The following PTPRD variants were observed in gnomAD, a reference collection of about 807,000 sequenced individuals.
The protein encoded by PTPRD is protein tyrosine phosphatase receptor type D.
Under a neutral mutation model 214.5 loss-of-function variants are expected in PTPRD, and 34 were observed. The ratio of observed to expected loss-of-function variants is 0.16; its 90% confidence interval spans 0.12 to 0.21. PTPRD has a LOEUF of 0.21. Among genes scored for constraint, PTPRD ranks in the 10% least tolerant of loss-of-function variants. The pLI is 1.00. For missense variants in PTPRD, 2,545 were observed against 2,398.7 expected (o/e 1.06, Z -1.27); for synonymous variants, 1,128 against 845.7 (o/e 1.33, Z -5.79).
chr9:10,368,228 T>C (rs1442005821), intron 2 of PTPRD, among the ~76,000 whole-genome samples: 5 of 152,122 alleles, frequency 3.3e-5, no homozygotes, highest in Non-Finnish European at 7.4e-5. Context: ...GTTACTGATA[T>C]TCACTAATTT....
chr9:9,573,517 G>A (rs928034547), intron 8 of PTPRD, among the ~76,000 whole-genome samples: 2 of 151,230 alleles, frequency 1.3e-5, no homozygotes, highest in African/African-American at 4.8e-5. Context: ...TTTTCTCTAT[G>A]TATATAAGAT....
rs544217643 is a variant in PTPRD at position 8,348,868 on chromosome 9, T to C, written c.4662-6890A>G. 2.0e-5 allele frequency among the ~76,000 whole-genome samples: 3 copies of C among 152,268 alleles called. No individual in the cohort carries two copies. In the South Asian group the frequency reaches 6.2e-4, roughly 32 times the overall value. On this transcript the variant is annotated intron_variant, in intron 39 of 45. Transcript: ENST00000381196. ...TTGATTTATTCCTCCTTGGACTCTT[T>C]TGACAATTTATAACTATTTTTTCAG...
At chr9:10,503,213 A>AAAAAAAAAAC (rs1555437452) in intron 2 of PTPRD, among the ~76,000 whole-genome samples, 5 of 149,478 alleles carry the variant, frequency 3.3e-5, no homozygotes, top group African/African-American at 1.2e-4. Context: ...AAAAACAAAA[A>AAAAAAAAAAC]AAAACACCAT....
chr9:8,773,417 C>G (rs1198511602), intron 11 of PTPRD, among the ~76,000 whole-genome samples: 3 of 152,134 alleles, frequency 2.0e-5, no homozygotes, highest in African/African-American at 4.8e-5. Context: ...AGGCAGTAAG[C>G]TGAGGCAATC....
At chr9:9,692,510 T>C (rs1265730868) in intron 7 of PTPRD, among the ~76,000 whole-genome samples, 4 of 152,134 alleles carry the variant, frequency 2.6e-5, no homozygotes, top group Non-Finnish European at 4.4e-5. Context: ...GCCAGTACTA[T>C]GCTGTTTTGG....
At chr9:8,793,420 G>A (rs966830603) in intron 11 of PTPRD, among the ~76,000 whole-genome samples, 1 of 152,168 alleles carries the variant, frequency 6.6e-6, no homozygotes, top group South Asian at 2.1e-4. Context: ...ACCTTCAGAT[G>A]ACTGCAGCCC....
At chr9:9,473,580 T>C (rs187917046) in intron 8 of PTPRD, among the ~76,000 whole-genome samples, 37 of 152,294 alleles carry the variant, frequency 2.4e-4, no homozygotes, top group African/African-American at 8.9e-4. Flanking sequence ...CTGTACTAAT[T>C]TACATTCCCA....
intron 14 of PTPRD, among the ~76,000 whole-genome samples, chr9:8,616,509 C>G (rs1228834610): frequency 1.3e-5 from 2 of 152,090 alleles, no homozygotes; most frequent in South Asian, 2.1e-4. Context: ...ACTTCAGACT[C>G]TAGGCAGACT....
At position 10,195,002 on chromosome 9, in the gene PTPRD, G is replaced by A. The variant is rs369279322; in HGVS notation, c.-545+145961C>T. On this transcript the variant is annotated intron_variant, in intron 3 of 45. Transcript: ENST00000381196. ...GGCTGGAGTTCAGTGGTATGGTCCC[G>A]GCTCACTGTAACCTCTGCCTCCTGG... is the stretch of plus-strand genomic sequence containing the variant. 1.5e-4 allele frequency among the ~76,000 whole-genome samples: 22 copies of A among 148,802 alleles called. No individual in the cohort carries two copies. In the East Asian group the frequency reaches 2.4e-3, roughly 16 times the overall value.
chr9:8,668,728 T>G (rs2097217794), intron 12 of PTPRD, among the ~76,000 whole-genome samples: 1 of 152,240 alleles, frequency 6.6e-6, no homozygotes, highest in Admixed American at 6.5e-5. Context: ...GATTCATAAC[T>G]GTCTTTCAAT....
At chr9:8,531,387 G>A (rs10123125) in intron 14 of PTPRD, among the ~76,000 whole-genome samples, 22,119 of 152,002 alleles carry the variant, frequency 0.15, 1,943 homozygotes, top group East Asian at 0.28. Flanking sequence ...GGGGGAAAAA[G>A]GAGCAGAAAG....
At chr9:8,553,113 G>C (rs369775512) in intron 14 of PTPRD, among the ~76,000 whole-genome samples, 1 of 152,262 alleles carries the variant, frequency 6.6e-6, no homozygotes, top group African/African-American at 2.4e-5. Flanking sequence ...GGTTAAACTT[G>C]TTATAACCAA....
intron 5 of PTPRD, among the ~76,000 whole-genome samples, chr9:9,837,793 G>T (rs1391200099): frequency 2.0e-5 from 3 of 152,058 alleles, no homozygotes; most frequent in Admixed American, 2.0e-4. Flanking sequence ...TATACTTTAA[G>T]TTTTAGGGTA....
intron 7 of PTPRD, among the ~76,000 whole-genome samples, chr9:9,710,446 A>G (rs1191555179): frequency 6.6e-6 from 1 of 152,064 alleles, no homozygotes; most frequent in Admixed American, 6.5e-5. Flanking sequence ...ACAAAATTCA[A>G]TTCATGGTAA....
chr9:9,252,038 G>T (rs908473442), intron 9 of PTPRD, among the ~76,000 whole-genome samples: 2 of 151,924 alleles, frequency 1.3e-5, no homozygotes, highest in Non-Finnish European at 2.9e-5. Context: ...TATCTCGGCA[G>T]CTACATTTGC....
At chr9:8,741,566 C>CTTTTTTTTTTTTT (rs66547770) in intron 11 of PTPRD, among the ~76,000 whole-genome samples, 6 of 70,640 alleles carry the variant, frequency 8.5e-5, no homozygotes, top group Non-Finnish European at 1.0e-4. Context: ...TCAGGCATTT[C>CTTTTTTTTTTTTT]TTTTTTTTTT....
chr9:9,595,799 G>C (rs759321739), intron 7 of PTPRD, among the ~76,000 whole-genome samples: 1 of 151,790 alleles, frequency 6.6e-6, no homozygotes. Context: ...AGGGGGAAAG[G>C]GTGGGAAGGG....
chr9:8,617,883 G>A (rs1035575356), intron 14 of PTPRD, among the ~76,000 whole-genome samples: 1 of 152,016 alleles, frequency 6.6e-6, no homozygotes, highest in African/African-American at 2.4e-5. Flanking sequence ...TACTCAATAG[G>A]AAACAACTAA....
chr9:10,059,636 A>G (rs943163329), intron 3 of PTPRD, among the ~76,000 whole-genome samples: 1 of 152,032 alleles, frequency 6.6e-6, no homozygotes, highest in South Asian at 2.1e-4. Flanking sequence ...TATTTTCTCT[A>G]TTTCTTTTTC....
Sources: allele counts gnomAD v4.1 joint callset (sites outside exome capture counted in the v4.1 genomes callset), GRCh38; gene constraint gnomAD v4.1.1; transcripts MANE v1.5; gene names NCBI Gene and HGNC (gene_info 2026-07-23, HGNC 2026-07-21).